The following DHRS12 variants were observed in gnomAD, a reference collection of about 807,000 sequenced individuals.
The protein encoded by DHRS12 is dehydrogenase/reductase SDR family member 12.
A neutral mutation model predicts 32.1 loss-of-function variants in DHRS12; 29 were observed. The observed-to-expected ratio is 0.90, with a 90% CI of 0.67 to 1.23. DHRS12 has a LOEUF of 1.23. DHRS12 is among the 50% of genes most tolerant of loss of function. The probability of loss-of-function intolerance (pLI) is 0.00; values close to 1 mark genes in which losing one functional copy is unlikely to be tolerated. For missense variants in DHRS12, 330 were observed against 337.2 expected, an observed-to-expected ratio of 0.98 and a Z score of 0.17; for synonymous variants, 150 against 135.9, an observed-to-expected ratio of 1.10 and a Z score of -0.72.
chr13:51,793,114 C>T (rs1165081130), intron 2 of DHRS12, among the ~76,000 whole-genome samples: 1 of 152,140 alleles, frequency 6.6e-6, no homozygotes, highest in African/African-American at 2.4e-5. Context: ...AGTAAGGGAC[C>T]CTGTCTAATG....
chr13:51,768,374 C>T, intron 8 of DHRS12, 78 bp from the exon 9 acceptor site: 1 of 1,523,430 alleles, frequency 6.6e-7, no homozygotes. Flanking sequence ...CTGCTCAGGC[C>T]TTGAACCGAC....
chr13:51,778,905 A>G (rs758937887), intron 4 of DHRS12, among the ~76,000 whole-genome samples: 2 of 152,176 alleles, frequency 1.3e-5, no homozygotes, highest in Non-Finnish European at 2.9e-5. Context: ...ATGTGCATAC[A>G]TATGTGTGTA....
Position 51,782,329 on chromosome 13 carries a change from GA to G in DHRS12, c.302-5209del, listed in dbSNP as rs2139131512. On this transcript the variant is annotated intron_variant, in intron 4 of 8. Coordinates refer to ENST00000444610, the MANE Select transcript of DHRS12 (RefSeq NM_001377533.1). This position sits in a 1 kb window ranked among gnomAD's most constrained non-coding sequence, Gnocchi z 4.2. ...GAGGGCACAGGATTGGTCTGGGAGG[GA>G]TGCCAACATTTAAAGTCCCCGCAGA... Among the ~76,000 whole-genome samples, 1 of 152,220 alleles carries G rather than the reference GA, an allele frequency of 6.6e-6. No individual in the cohort carries two copies. Among genetic ancestry groups the G allele is most frequent in the South Asian group, 2.1e-4 (1 of 4,826 alleles).
downstream of DHRS12, chr13:51,764,550 C>T (rs1953686954): frequency 6.5e-6 from 1 of 152,672 alleles, no homozygotes; most frequent in Non-Finnish European, 1.5e-5. Context: ...AGCTGCCATC[C>T]CAGAATTGAG....
At chr13:51,801,870 C>T (rs7999660) in intron 1 of DHRS12, among the ~76,000 whole-genome samples, 2,890 of 152,230 alleles carry the variant, frequency 0.019, 90 homozygotes, top group African/African-American at 0.066. Context: ...GGACATTAGC[C>T]TCTGGGCTCC....
intron 1 of DHRS12, among the ~76,000 whole-genome samples, chr13:51,802,191 ACACACACACACACACACACACACACAC>A (rs945289068): frequency 1.4e-5 from 2 of 141,820 alleles, no homozygotes; most frequent in African/African-American, 5.5e-5. Context: ...ACACACACAC[ACACACACACACACACACACACACACAC>A]GACTTTCCCA....
chr13:51,759,001 G>A, the DHRS12 span, among the ~76,000 whole-genome samples: 2 of 152,116 alleles, frequency 1.3e-5, no homozygotes, highest in Non-Finnish European at 2.9e-5. Context: ...GGCCACCATA[G>A]TGTGACCCTG....
chr13:51,761,935 C>T, the DHRS12 span: 6 of 152,254 alleles, frequency 3.9e-5, no homozygotes, highest in Admixed American at 2.6e-4. Context: ...ACTACCCTTG[C>T]TTGCGTCAGT....
At chr13:51,785,633 T>G (rs475551) in intron 4 of DHRS12, among the ~76,000 whole-genome samples, 118,869 of 152,082 alleles carry the variant, frequency 0.78, 46,958 homozygotes, top group Middle Eastern at 0.87. Context: ...CCAAGGAGGA[T>G]ACAAGATATT....
chr13:51,789,515 G>A, intron 4 of DHRS12: 1 of 981,044 alleles, frequency 1.0e-6, no homozygotes, highest in Non-Finnish European at 1.2e-6. Context: ...TGCTGAGGCT[G>A]CTGGTCTGGG....
At chr13:51,772,316 C>G (rs781182302) in intron 6 of DHRS12, among the ~76,000 whole-genome samples, 1 of 152,092 alleles carries the variant, frequency 6.6e-6, no homozygotes, top group Non-Finnish European at 1.5e-5. Context: ...CAGCACAGAC[C>G]GGCATACGGT....
downstream of DHRS12, chr13:51,766,815 CG>C (rs759114832): frequency 7.9e-5 from 12 of 152,266 alleles, no homozygotes; most frequent in Non-Finnish European, 1.3e-4. Flanking sequence ...GGTCCCATCA[CG>C]GTTACATGTG....
rs1257498663 is a variant in DHRS12, at chr13:51,768,951, G to T, written c.697+205C>A. The T allele has an allele frequency of 2.9e-6, 4 of 1,400,522 alleles. No individual in the cohort carries two copies. The Admixed American group carries it at 1.3e-4, about 46-fold the overall frequency. 86.8% of individuals were successfully genotyped at this position (1,400,522 alleles called of 1,614,324 possible). A position where few individuals can be genotyped will look rare whatever the true frequency, so the allele number is the denominator to read the frequency against. The stretch of plus-strand genomic sequence containing the variant: ...GACCTTGATGACAGGGTTATCACAA[G>T]TCTCCAAAGAAGCTACCAACCTGGA... On this transcript the variant is annotated intron_variant, in intron 8 of 8. Coordinates refer to ENST00000444610, the MANE Select transcript of DHRS12 (RefSeq NM_001377533.1).
chr13:51,757,164 T>C, the DHRS12 span, among the ~76,000 whole-genome samples: 1 of 152,190 alleles, frequency 6.6e-6, no homozygotes, highest in Non-Finnish European at 1.5e-5. Context: ...TCATAAGTAG[T>C]CTTATTTATC....
At chr13:51,756,224 C>T in the DHRS12 span, 3 of 1,473,344 alleles carry the variant, frequency 2.0e-6, no homozygotes, top group African/African-American at 1.4e-5. Flanking sequence ...GTTCAGCATC[C>T]TCACCTGGAT....
At chr13:51,793,432 T>A (rs1230909946) in intron 2 of DHRS12, among the ~76,000 whole-genome samples, 1 of 152,174 alleles carries the variant, frequency 6.6e-6, no homozygotes, top group African/African-American at 2.4e-5. Context: ...GCTATAAAAC[T>A]CAAAGCTGTA....
At chr13:51,756,893 A>G in the DHRS12 span, among the ~76,000 whole-genome samples, 1 of 152,206 alleles carries the variant, frequency 6.6e-6, no homozygotes, top group Admixed American at 6.5e-5. Context: ...CCAAGAGGCA[A>G]ATATTCCCAG....
At chr13:51,801,004 T>G (rs111570956) in intron 1 of DHRS12, among the ~76,000 whole-genome samples, 1 of 152,172 alleles carries the variant, frequency 6.6e-6, no homozygotes, top group South Asian at 2.1e-4. Context: ...TGGGTTTAAG[T>G]CACAGCTCAG....
At chr13:51,774,255 T>TGTATTCTCCTACA (rs879922499) in intron 5 of DHRS12, 4 of 371,624 alleles carry the variant, frequency 1.1e-5, no homozygotes, top group South Asian at 3.6e-5. Flanking sequence ...TTCTCCTACA[T>TGTATTCTCCTACA]GTATTCTCCT....
Sources: allele counts gnomAD v4.1 joint callset (sites outside exome capture counted in the v4.1 genomes callset), GRCh38; gene constraint gnomAD v4.1.1; non-coding constraint Gnocchi (gnomAD v3.1); transcripts MANE v1.5; gene names NCBI Gene and HGNC (gene_info 2026-07-23, HGNC 2026-07-21).